COL28A1: variants seen among roughly 807,000 people sequenced by gnomAD.
COL28A1 encodes the protein collagen type XXVIII alpha 1 chain, also known as collagen alpha-1(XXVIII) chain.
Under a neutral mutation model 150.2 loss-of-function variants are expected in COL28A1, and 161 were observed. The ratio of observed to expected loss-of-function variants is 1.07; its 90% CI spans 0.94 to 1.22. COL28A1 has a LOEUF of 1.22. COL28A1 is among the 50% of genes most tolerant of loss of function. The probability of loss-of-function intolerance (pLI) is 0.00; values close to 1 mark genes in which losing one functional copy is unlikely to be tolerated. For synonymous variants in COL28A1, 552 were observed against 469.7 expected (o/e 1.18, Z -2.26); for missense variants, 1,617 against 1,388.3 (o/e 1.16, Z -2.62).
chr7:7,460,690 GT>G (rs1266598884), intron 15 of COL28A1, among the ~76,000 whole-genome samples: 4 of 152,298 alleles, frequency 2.6e-5, no homozygotes, highest in South Asian at 4.1e-4. Context: ...CCAAGTCAAT[GT>G]TTTTAACAAC....
intron 11 of COL28A1, among the ~76,000 whole-genome samples, chr7:7,492,418 T>TAAA (rs756842702): frequency 4.0e-5 from 5 of 124,680 alleles, no homozygotes; most frequent in African/African-American, 1.5e-4. Flanking sequence ...CTAAAAATAC[T>TAAA]AAAAAAAAAA....
Position 7,493,599 on chromosome 7 carries a change from G to C in COL28A1, c.1027-2953C>G, listed in dbSNP as rs143487304. 1.5e-3 allele frequency among the ~76,000 whole-genome samples: 226 copies of C among 152,178 alleles called. 3 individuals are homozygous for C. The highest frequency in any genetic ancestry group is 4.9e-3 in the African/African-American group (205 of 41,518). ...ACTTGCTTAAATTTATTTCTCGGGA[G>C]CCTGGTATCTCAAGGTAGGATCCAC... On this transcript the variant is annotated intron_variant, in intron 11 of 34. Coordinates refer to ENST00000399429, the MANE Select transcript of COL28A1 (RefSeq NM_001037763.3).
rs1014172 is a variant in COL28A1 at position 7,362,774 on chromosome 7, G to T, written c.3067-2246C>A. ...TTCTTTCAGAATGATCCTGTATGCA[G>T]ATACAGCAATTTGAATGTGAACTTT... On this transcript the variant is annotated intron_variant, in intron 33 of 34. Transcript: ENST00000399429. Among the ~76,000 whole-genome samples the T allele has an allele frequency of 2.8e-3, 432 of 152,276 alleles. 4 individuals are homozygous for T. Among genetic ancestry groups the T allele is most frequent in the African/African-American group, 9.9e-3 (412 of 41,538 alleles).
chr7:7,407,938 A>T (rs747581886), intron 27 of COL28A1, among the ~76,000 whole-genome samples: 2 of 152,182 alleles, frequency 1.3e-5, no homozygotes, highest in African/African-American at 4.8e-5. Context: ...CATTAATTTC[A>T]GATAATAAAA....
At chr7:7,437,260 G>A in intron 22 of COL28A1, 134 bp downstream of exon 22, 1 of 1,371,004 alleles carries the variant, frequency 7.3e-7, no homozygotes, top group Non-Finnish European at 9.5e-7. Context: ...GCTTATCTGT[G>A]AAGTTTCAGA....
Position 7,433,392 on chromosome 7 carries a change from T to A in COL28A1, c.1861-692A>T, listed in dbSNP as rs140354310. Among the ~76,000 whole-genome samples the A allele has an allele frequency of 2.6e-3, 393 of 152,098 alleles. 3 individuals are homozygous for A. Among genetic ancestry groups the A allele is most frequent in the African/African-American group, 9.0e-3 (373 of 41,514 alleles). ...GGCTCACGCCTGTAATCCCAGCACT[T>A]TGGGAAGCTGAGGTGGGTGGATCAC... On this transcript the variant is annotated intron_variant, in intron 23 of 34. Coordinates refer to ENST00000399429, the MANE Select transcript of COL28A1 (RefSeq NM_001037763.3).
the COL28A1 span, among the ~76,000 whole-genome samples, chr7:7,346,772 C>T: frequency 1.3e-5 from 2 of 151,916 alleles, no homozygotes; most frequent in Non-Finnish European, 2.9e-5. Context: ...AGTATTTGTA[C>T]TAGGAAAAGG....
At chr7:7,404,606 C>T (rs1175491722) in intron 27 of COL28A1, among the ~76,000 whole-genome samples, 1 of 152,062 alleles carries the variant, frequency 6.6e-6, no homozygotes, top group Non-Finnish European at 1.5e-5. Flanking sequence ...GGCTGTCTCC[C>T]TCACCTCCTC....
At chr7:7,480,932 T>A (rs778472876) in intron 13 of COL28A1, among the ~76,000 whole-genome samples, 1 of 152,210 alleles carries the variant, frequency 6.6e-6, no homozygotes, top group Non-Finnish European at 1.5e-5. Context: ...AATAATAGTA[T>A]CTACCTCAAC....
At chr7:7,492,433 A>T (rs1779965917) in intron 11 of COL28A1, among the ~76,000 whole-genome samples, 1 of 151,358 alleles carries the variant, frequency 6.6e-6, no homozygotes, top group African/African-American at 2.4e-5. Context: ...AAAAAAAAAA[A>T]AATTAGCTGG....
At chr7:7,443,805 G>A in intron 19 of COL28A1, 152 bp from the exon 20 acceptor site, 1 of 1,210,290 alleles carries the variant, frequency 8.3e-7, no homozygotes, top group Non-Finnish European at 1.1e-6. Flanking sequence ...CAATTTGGAA[G>A]TTTATAAACT....
intron 25 of COL28A1, among the ~76,000 whole-genome samples, chr7:7,431,022 A>G (rs1784933043): frequency 6.6e-6 from 1 of 152,160 alleles, no homozygotes; most frequent in Admixed American, 6.5e-5. Context: ...TCCCTTTTAA[A>G]GATGAAATTT....
chr7:7,447,943 T>G (rs1786391459), intron 18 of COL28A1, among the ~76,000 whole-genome samples: 1 of 152,128 alleles, frequency 6.6e-6, no homozygotes, highest in African/African-American at 2.4e-5. Flanking sequence ...TGGTGCCGCC[T>G]GTAATCCCAG....
At chr7:7,508,965 C>A (rs1310516345) in intron 9 of COL28A1, among the ~76,000 whole-genome samples, 1 of 152,122 alleles carries the variant, frequency 6.6e-6, no homozygotes, top group Admixed American at 6.5e-5. Context: ...TCCCGAGTAG[C>A]TGAAATTACA....
chr7:7,380,788 T>A lies in COL28A1; in HGVS notation c.2280A>T (p.Gly760=). The change falls in exon 29 of 35, where the codon GGA becomes GGT. Residue 760 remains glycine, a synonymous_variant. Coordinates refer to ENST00000399429, the MANE Select transcript of COL28A1 (RefSeq NM_001037763.3). ...GACATTAAAAACTACTTGCCTGTTT[T>A]CCTGGAGATCCAGGCTCTCCAATTT... ...KGEIGEPGSP[G]KQGLQGPKGD... 1 of 1,613,606 alleles carries A rather than the reference T, an allele frequency of 6.2e-7. No individual in the cohort carries two copies. Among genetic ancestry groups the A allele is most frequent in the Non-Finnish European group, 8.5e-7 (1 of 1,179,512 alleles).
At chr7:7,397,031 A>C (rs934049226) in intron 27 of COL28A1, among the ~76,000 whole-genome samples, 1 of 152,180 alleles carries the variant, frequency 6.6e-6, no homozygotes, top group Non-Finnish European at 1.5e-5. Context: ...GCTGACATTA[A>C]TACTGATGGC....
At chr7:7,395,869 C>A (rs985986904) in intron 27 of COL28A1, among the ~76,000 whole-genome samples, 1 of 152,032 alleles carries the variant, frequency 6.6e-6, no homozygotes, top group Admixed American at 6.6e-5. Context: ...AATTAGGAAC[C>A]GGGGGAACTG....
At chr7:7,522,212 A>C (rs1383459117) in intron 4 of COL28A1, 5 of 490,854 alleles carry the variant, frequency 1.0e-5, no homozygotes, top group Non-Finnish European at 1.9e-5. Flanking sequence ...AGCTAACAAA[A>C]TATTATTAAA....
At chr7:7,423,825 C>T (rs1383735891) in intron 25 of COL28A1, among the ~76,000 whole-genome samples, 1 of 152,188 alleles carries the variant, frequency 6.6e-6, no homozygotes, top group African/African-American at 2.4e-5. Context: ...CTCTCCTTCA[C>T]AGTCTCCCTT....
Sources: gnomAD v4.1 joint callset for allele counts (sites outside exome capture counted in the v4.1 genomes callset) on GRCh38, gnomAD v4.1.1 for gene constraint, MANE v1.5 for transcripts, NCBI Gene and HGNC (gene_info 2026-07-23, HGNC 2026-07-21) for gene names.